The following ZNF248 variants were observed in gnomAD, a reference collection of about 807,000 sequenced individuals.
ZNF248 encodes the protein zinc finger protein 248, also known as KRAB protein domain.
In ZNF248, 20 loss-of-function variants were observed where a neutral mutation model predicts 44.3. That is an observed-to-expected ratio of 0.45 (90% CI 0.32 to 0.66). The LOEUF is 0.66. Ranked by LOEUF, ZNF248 falls within the 30% of genes least tolerant of loss-of-function variation. ZNF248 has a pLI of 0.04. For synonymous variants in ZNF248, 224 were observed against 229.0 expected (o/e 0.98, Z 0.20); for missense variants, 654 against 677.0 (o/e 0.97, Z 0.38).
intron 6 of ZNF248, among the ~76,000 whole-genome samples, chr10:37,808,118 T>A (rs2050863964): frequency 6.6e-6 from 1 of 152,140 alleles, no homozygotes; most frequent in Non-Finnish European, 1.5e-5. Context: ...TGTTTTCATG[T>A]TTTTCCCTCC....
intron 6 of ZNF248, chr10:37,820,169 A>G: frequency 8.3e-7 from 1 of 1,197,734 alleles, no homozygotes; most frequent in Non-Finnish European, 1.2e-6. Flanking sequence ...TTAAGTCAGA[A>G]TTCTTACTGT....
intron 6 of ZNF248, among the ~76,000 whole-genome samples, chr10:37,811,192 A>T (rs2051434538): frequency 6.6e-6 from 1 of 152,210 alleles, no homozygotes; most frequent in African/African-American, 2.4e-5. Flanking sequence ...AGCTGTGGTT[A>T]CCCACTGTTT....
chr10:37,779,430 T>G (rs975886674), intron 6 of ZNF248, among the ~76,000 whole-genome samples: 4 of 152,076 alleles, frequency 2.6e-5, no homozygotes, highest in Non-Finnish European at 5.9e-5. Flanking sequence ...ATTATCTCAA[T>G]AGATGCAGAA....
chr10:37,770,526 A>T, the ZNF248 span, among the ~76,000 whole-genome samples: 272 of 152,350 alleles, frequency 1.8e-3, no homozygotes, highest in Middle Eastern at 0.017. Flanking sequence ...TGGGGGAAGG[A>T]TTCCCTATTT....
At chr10:37,796,098 CT>C (rs2049123726) in intron 6 of ZNF248, 1 of 152,010 alleles carries the variant, frequency 6.6e-6, no homozygotes, top group South Asian at 2.1e-4. Context: ...TGGTTATAGT[CT>C]GTCTATTTGA....
chr10:37,770,240 C>T, the ZNF248 span, among the ~76,000 whole-genome samples: 1 of 152,170 alleles, frequency 6.6e-6, no homozygotes, highest in Admixed American at 6.5e-5. Context: ...ATCAAGCTAC[C>T]AATCACTTTC....
chr10:37,765,929 G>A, the ZNF248 span, among the ~76,000 whole-genome samples: 11 of 152,296 alleles, frequency 7.2e-5, no homozygotes, highest in South Asian at 1.7e-3. Context: ...CTTTTCCAAC[G>A]GGCTTAAAAA....
the ZNF248 span, among the ~76,000 whole-genome samples, chr10:37,769,051 A>T: frequency 3.3e-5 from 5 of 152,094 alleles, no homozygotes; most frequent in Non-Finnish European, 4.4e-5. Context: ...CGACACATAC[A>T]CTCTCCCAAG....
the ZNF248 span, among the ~76,000 whole-genome samples, chr10:37,759,426 C>T: frequency 6.6e-6 from 1 of 152,174 alleles, no homozygotes; most frequent in African/African-American, 2.4e-5. Context: ...TGCTAAGTTA[C>T]ATCTGCTTAT....
Position 37,831,340 on chromosome 10 carries a change from G to T in ZNF248, c.*275C>A, listed in dbSNP as rs1210324171. 2.6e-6 allele frequency: 4 copies of T among 1,547,860 alleles called. No individual in the cohort carries two copies. The highest frequency in any genetic ancestry group is 3.5e-6 in the Non-Finnish European group (4 of 1,145,690). On this transcript the variant is annotated 3_prime_UTR_variant, in exon 6 of 6. Transcript: ENST00000395867. ...GTGAATATGGGTATAAATAAATATTGTCCATTATATTTGCAACAAAATTTT... is the reference window on the plus strand; with the variant it reads ...GTGAATATGGGTATAAATAAATATTTTCCATTATATTTGCAACAAAATTTT...
In ZNF248 at chr10:37,856,428, T is replaced by C. The variant is rs1372861983; in HGVS notation, c.-28+7A>G. On this transcript the variant is annotated splice_region_variant and intron_variant, in intron 2 of 5. Coordinates refer to ENST00000395867, the MANE Select transcript of ZNF248 (RefSeq NM_021045.3). ...TGCCTATACAGGTCCACACACAAGA[T>C]ACTTACGTGTCCATGTGTGGCTCCG... 11 of 1,509,028 alleles carry C rather than the reference T, an allele frequency of 7.3e-6. No individual in the cohort carries two copies. The South Asian group carries it at 1.2e-4, about 16-fold the overall frequency. The allele number at this position is 1,509,028 out of a possible 1,614,324, so 93.5% of individuals were successfully genotyped here.
rs779470882 is a variant in ZNF248 at position 37,832,472 on chromosome 10, T to C, written c.883A>G (p.Asn295Asp). 1.2e-6 allele frequency: 2 copies of C among 1,613,980 alleles called. No individual in the cohort carries two copies. The highest frequency in any genetic ancestry group is 8.5e-7 in the Non-Finnish European group (1 of 1,179,940). ...CCATATTCATTATATTCATAAGGAT[T>C]GTCCTTTGTAAGAGCTCTCTGATGT... ...FGHQRALTKD[N>D]PYEYNEYGEI... The change falls in exon 6 of 6, where the codon AAT becomes GAT. Residue 295 changes from asparagine (N) to aspartate (D), a missense_variant. Asn to Asp is a conservative substitution (Grantham distance 23, BLOSUM62 1). Transcript: ENST00000395867.
intron 3 of ZNF248, among the ~76,000 whole-genome samples, chr10:37,840,028 GCTGAAAAATCCTCCAAATAC>G (rs1486736520): frequency 6.6e-6 from 1 of 152,126 alleles, no homozygotes; most frequent in East Asian, 1.9e-4. Flanking sequence ...AAGCAAGACG[GCTGAAAAATCCTCCAAATAC>G]CTGAAAGCTA....
chr10:37,776,749 A>G (rs1000932114), intron 6 of ZNF248, among the ~76,000 whole-genome samples: 5 of 152,170 alleles, frequency 3.3e-5, no homozygotes, highest in Non-Finnish European at 5.9e-5. Context: ...AAGAAACCCC[A>G]GAATACATGA....
intron 6 of ZNF248, among the ~76,000 whole-genome samples, chr10:37,780,691 C>T (rs1057325018): frequency 2.0e-5 from 3 of 152,180 alleles, no homozygotes; most frequent in Admixed American, 6.5e-5. Flanking sequence ...GCGCACCCCG[C>T]GCGGGGCCTG....
chr10:37,837,801 A>C, intron 4 of ZNF248, 89 bp from the exon 5 acceptor site: 1 of 1,386,358 alleles, frequency 7.2e-7, no homozygotes. Context: ...GCACAGCTTC[A>C]CCAGCTACTC....
chr10:37,852,403 T>G (rs928124906), intron 3 of ZNF248, among the ~76,000 whole-genome samples: 12 of 152,168 alleles, frequency 7.9e-5, no homozygotes, highest in African/African-American at 2.9e-4. Context: ...ATGTTTCCTT[T>G]TCTGTAGCAT....
chr10:37,817,380 A>ATTTT (rs1355754980), intron 6 of ZNF248, among the ~76,000 whole-genome samples: 6 of 151,794 alleles, frequency 4.0e-5, no homozygotes, highest in East Asian at 1.9e-4. Context: ...ATTTTTAAAA[A>ATTTT]AAAAATAGCA....
intron 6 of ZNF248, among the ~76,000 whole-genome samples, chr10:37,791,003 A>T (rs2048465430): frequency 6.8e-6 from 1 of 146,478 alleles, no homozygotes; most frequent in Non-Finnish European, 1.5e-5. Flanking sequence ...GGGGCTGAAA[A>T]ATGGTCTATG....
Sources: gnomAD v4.1 joint callset for allele counts (sites outside exome capture counted in the v4.1 genomes callset) on GRCh38, gnomAD v4.1.1 for gene constraint, MANE v1.5 for transcripts, NCBI Gene and HGNC (gene_info 2026-07-23, HGNC 2026-07-21) for gene names.